ENOX1: variants seen among roughly 807,000 people sequenced by gnomAD.
ENOX1 encodes the protein ecto-NOX disulfide-thiol exchanger 1.
In ENOX1, 42 loss-of-function variants were observed where a neutral mutation model predicts 82.5. The observed-to-expected ratio is 0.51, with a 90% confidence interval of 0.40 to 0.66. The LOEUF (loss-of-function observed/expected upper bound fraction) is 0.66, where lower values mean the gene tolerates loss of function less well. ENOX1 is among the 30% of genes least tolerant of loss of function. The probability of loss-of-function intolerance (pLI) is 0.00; values close to 1 mark genes in which losing one functional copy is unlikely to be tolerated. For synonymous variants in ENOX1, 271 were observed against 282.2 expected, an observed-to-expected ratio of 0.96 and a Z score of 0.40; for missense variants, 608 against 811.6, an observed-to-expected ratio of 0.75 and a Z score of 3.05.
intron 1 of ENOX1, among the ~76,000 whole-genome samples, chr13:43,698,838 G>A (rs73188048): frequency 0.035 from 5,271 of 152,226 alleles, 243 homozygotes; most frequent in East Asian, 0.24. Flanking sequence ...AGTCATATAT[G>A]CTGAGAAACT....
intron 3 of ENOX1, among the ~76,000 whole-genome samples, chr13:43,466,564 T>A (rs535588689): frequency 6.6e-6 from 1 of 152,182 alleles, no homozygotes. Flanking sequence ...AAAAATCCCA[T>A]TAAACCTACC....
At chr13:43,381,545 A>G (rs2052047272) in intron 5 of ENOX1, among the ~76,000 whole-genome samples, 1 of 151,512 alleles carries the variant, frequency 6.6e-6, no homozygotes, top group Non-Finnish European at 1.5e-5. Context: ...AAGAACAGGA[A>G]TTAGTGACAT....
chr13:43,318,394 C>G (rs1447465246), intron 11 of ENOX1, among the ~76,000 whole-genome samples: 1 of 152,058 alleles, frequency 6.6e-6, no homozygotes, highest in Non-Finnish European at 1.5e-5. Context: ...AACTGGGTAC[C>G]CTGTATCTAA....
In ENOX1 at chr13:43,293,814, T is replaced by C. The variant is rs566653023; in HGVS notation, c.1446+4532A>G. ...ACTCTTACCCAACATCTGACAAAAC[T>C]AACTGGGGTTACTTTGTATTTTAGG... On this transcript the variant is annotated intron_variant, in intron 12 of 16. Transcript: ENST00000690772. Among the ~76,000 whole-genome samples the C allele has an allele frequency of 2.6e-5, 4 of 152,346 alleles. No individual in the cohort carries two copies. The East Asian group carries it at 7.7e-4, about 29-fold the overall frequency.
At chr13:43,429,183 C>T (rs2055511430) in intron 3 of ENOX1, among the ~76,000 whole-genome samples, 1 of 152,202 alleles carries the variant, frequency 6.6e-6, no homozygotes, top group Non-Finnish European at 1.5e-5. Flanking sequence ...CAAGCCTCAT[C>T]TCACGAGTCA....
At chr13:43,655,296 C>T (rs149524841) in intron 2 of ENOX1, among the ~76,000 whole-genome samples, 24 of 152,274 alleles carry the variant, frequency 1.6e-4, no homozygotes, top group Non-Finnish European at 3.1e-4. Context: ...GGAAGAGAAC[C>T]GACCTGTTCC....
At chr13:43,691,418 C>T (rs1184608546) in intron 1 of ENOX1, among the ~76,000 whole-genome samples, 3 of 151,940 alleles carry the variant, frequency 2.0e-5, no homozygotes, top group Non-Finnish European at 4.4e-5. Context: ...CTATCTAAAA[C>T]ACCAATCAGA....
intron 2 of ENOX1, among the ~76,000 whole-genome samples, chr13:43,617,744 G>A (rs2082544282): frequency 6.6e-6 from 1 of 152,198 alleles, no homozygotes; most frequent in Admixed American, 6.5e-5. Context: ...ATACCCAGTA[G>A]TGGGATTGCT....
rs1175601184 is a variant in ENOX1 at position 43,530,843 on chromosome 13, T to A, written c.-218-46691A>T. Among the ~76,000 whole-genome samples, 4 of 152,074 alleles carry A rather than the reference T, an allele frequency of 2.6e-5. No homozygotes were observed. In the East Asian group the frequency reaches 7.7e-4, roughly 29 times the overall value. Reference sequence around the variant, plus strand: ...CTGTTACACCCTTTTAAGAAAAAAATTACATTAAATTATATCATTGGGTAC... The same window carrying A: ...CTGTTACACCCTTTTAAGAAAAAAAATACATTAAATTATATCATTGGGTAC... On this transcript the variant is annotated intron_variant, in intron 2 of 16. Transcript: ENST00000690772.
intron 2 of ENOX1, among the ~76,000 whole-genome samples, chr13:43,603,150 A>G (rs115658876): frequency 0.017 from 2,541 of 152,074 alleles, 63 homozygotes; most frequent in African/African-American, 0.058. Flanking sequence ...TCAGAAAGTA[A>G]CAAGTTATAA....
chr13:43,296,570 T>C (rs2046296630), intron 12 of ENOX1, among the ~76,000 whole-genome samples: 1 of 152,180 alleles, frequency 6.6e-6, no homozygotes, highest in African/African-American at 2.4e-5. Flanking sequence ...CTATATAAAG[T>C]ACATTTCCTA....
intron 2 of ENOX1, among the ~76,000 whole-genome samples, chr13:43,541,250 G>A (rs1421352876): frequency 7.4e-6 from 1 of 134,628 alleles, no homozygotes; most frequent in Admixed American, 8.3e-5. Flanking sequence ...TGTAATCCTA[G>A]CATTTTGGGA....
intron 3 of ENOX1, among the ~76,000 whole-genome samples, chr13:43,459,971 G>A (rs1402620675): frequency 6.6e-6 from 1 of 152,068 alleles, no homozygotes; most frequent in East Asian, 1.9e-4. Context: ...TCCAGCCTGG[G>A]TGACAAAGCG....
intron 15 of ENOX1, among the ~76,000 whole-genome samples, chr13:43,235,490 T>A (rs2153458432): frequency 6.6e-6 from 1 of 152,240 alleles, no homozygotes; most frequent in Middle Eastern, 3.4e-3. Context: ...CCCAGCACTT[T>A]GAGAGGCCAA....
In ENOX1 at chr13:43,713,707, G is replaced by A. The variant is rs534044918; in HGVS notation, c.-284-46163C>T. Reference sequence around the variant, plus strand: ...TTTTCTAGTTTATTTGCATAGAGGTGTTTGTAGTATTCTCTGATGGTAGTT... The same window carrying A: ...TTTTCTAGTTTATTTGCATAGAGGTATTTGTAGTATTCTCTGATGGTAGTT... On this transcript the variant is annotated intron_variant, in intron 1 of 16. Transcript: ENST00000690772. Among the ~76,000 whole-genome samples the A allele has an allele frequency of 2.0e-5, 3 of 152,042 alleles. No homozygotes were observed. The East Asian group carries it at 5.8e-4, about 29-fold the overall frequency.
chr13:43,487,395 T>A (rs1292138978), intron 2 of ENOX1, among the ~76,000 whole-genome samples: 1 of 152,134 alleles, frequency 6.6e-6, no homozygotes, highest in Non-Finnish European at 1.5e-5. Flanking sequence ...TCTATTATAA[T>A]TGAAAAGCCA....
intron 2 of ENOX1, among the ~76,000 whole-genome samples, chr13:43,549,596 T>C (rs951148409): frequency 5.3e-5 from 8 of 152,224 alleles, no homozygotes; most frequent in African/African-American, 1.9e-4. Context: ...ATGCATGACT[T>C]TTCAGATGAT....
At chr13:43,421,630 G>A (rs1361136904) in intron 3 of ENOX1, among the ~76,000 whole-genome samples, 1 of 152,132 alleles carries the variant, frequency 6.6e-6, no homozygotes, top group Non-Finnish European at 1.5e-5. Context: ...GAAAGATAAA[G>A]GAGATATATA....
At chr13:43,605,348 C>T (rs1030689177) in intron 2 of ENOX1, among the ~76,000 whole-genome samples, 1 of 151,992 alleles carries the variant, frequency 6.6e-6, no homozygotes, top group Admixed American at 6.6e-5. Context: ...TCCAAAATAG[C>T]CAAAGCTATA....
Sources: allele counts gnomAD v4.1 joint callset (sites outside exome capture counted in the v4.1 genomes callset), GRCh38; gene constraint gnomAD v4.1.1; transcripts MANE v1.5; gene names NCBI Gene and HGNC (gene_info 2026-07-23, HGNC 2026-07-21).